Variants in KCNIP4 observed in about 807,000 individuals in gnomAD.
KCNIP4 encodes potassium voltage-gated channel interacting protein 4.
A neutral mutation model predicts 34.0 loss-of-function variants in KCNIP4; 12 were observed. The observed-to-expected ratio is 0.35, with a 90% confidence interval of 0.23 to 0.57. The LOEUF (loss-of-function observed/expected upper bound fraction) is 0.57, where lower values mean the gene tolerates loss of function less well. Among genes scored for constraint, KCNIP4 ranks in the 20% least tolerant of loss-of-function variants. The pLI, the probability that KCNIP4 is intolerant of heterozygous loss-of-function variation, is 0.83. For missense variants in KCNIP4, 238 were observed against 311.7 expected (o/e 0.76, Z 1.78); for synonymous variants, 124 against 102.2 (o/e 1.21, Z -1.29).
intron 1 of KCNIP4, among the ~76,000 whole-genome samples, chr4:21,917,939 C>T (rs1728731604): frequency 6.6e-6 from 1 of 152,162 alleles, no homozygotes; most frequent in Non-Finnish European, 1.5e-5. Context: ...AGACACTCCA[C>T]CTTGCAGTGA....
At chr4:20,879,037 G>A (rs1401467979) in intron 2 of KCNIP4, among the ~76,000 whole-genome samples, 1 of 146,408 alleles carries the variant, frequency 6.8e-6, no homozygotes, top group East Asian at 1.9e-4. Flanking sequence ...CGCTCAGAGT[G>A]AGTGCTACAG....
At chr4:21,283,709 G>A (rs1208362871) in intron 1 of KCNIP4, among the ~76,000 whole-genome samples, 4 of 149,534 alleles carry the variant, frequency 2.7e-5, no homozygotes, top group Non-Finnish European at 5.9e-5. Context: ...TAGATGACGA[G>A]TTAATGGGTG....
intron 1 of KCNIP4, among the ~76,000 whole-genome samples, chr4:21,519,586 A>ATGTATGTGTATATACACATATGTG (rs1735234821): frequency 4.6e-5 from 1 of 21,844 alleles, no homozygotes; most frequent in Non-Finnish European, 8.1e-5. Flanking sequence ...ATGTGTGTGT[A>ATGTATGTGTATATACACATATGTG]TGTATGTGTA....
intron 1 of KCNIP4, among the ~76,000 whole-genome samples, chr4:21,567,957 A>G (rs1740045068): frequency 6.6e-6 from 1 of 152,152 alleles, no homozygotes; most frequent in Non-Finnish European, 1.5e-5. Context: ...AGTACTTGAT[A>G]ATAAGTAGCA....
chr4:21,549,077 G>A (rs1369059745), intron 1 of KCNIP4, among the ~76,000 whole-genome samples: 1 of 151,544 alleles, frequency 6.6e-6, no homozygotes, highest in Non-Finnish European at 1.5e-5. Flanking sequence ...ATGTCCCCTG[G>A]GGCCAAAAGC....
At chr4:21,828,198 T>G (rs1478121143) in intron 1 of KCNIP4, among the ~76,000 whole-genome samples, 3 of 151,312 alleles carry the variant, frequency 2.0e-5, no homozygotes, top group African/African-American at 7.2e-5. Context: ...AATAGAATTT[T>G]TAAAATAATA....
chr4:21,000,648 G>A (rs1183971411), intron 1 of KCNIP4, among the ~76,000 whole-genome samples: 8 of 151,828 alleles, frequency 5.3e-5, no homozygotes, highest in Admixed American at 5.3e-4. Context: ...TCGCGCTGTT[G>A]CACTCCAGCC....
intron 1 of KCNIP4, among the ~76,000 whole-genome samples, chr4:21,266,276 T>A (rs1462896532): frequency 6.6e-6 from 1 of 152,190 alleles, no homozygotes; most frequent in Non-Finnish European, 1.5e-5. Context: ...GAGGATGCTT[T>A]TCCTATTATA....
intron 1 of KCNIP4, among the ~76,000 whole-genome samples, chr4:20,917,185 C>T (rs539579696): frequency 1.3e-5 from 2 of 150,812 alleles, no homozygotes; most frequent in South Asian, 4.2e-4. Context: ...TTACAGGCAC[C>T]CACCACCACG....
chr4:21,317,568 T>C (rs1471496782), intron 1 of KCNIP4, among the ~76,000 whole-genome samples: 7 of 152,178 alleles, frequency 4.6e-5, no homozygotes, highest in Non-Finnish European at 7.3e-5. Context: ...TGTGTGACTA[T>C]AAAGAATAGA....
intron 3 of KCNIP4, among the ~76,000 whole-genome samples, chr4:20,772,540 G>T (rs1213830328): frequency 2.0e-5 from 3 of 152,138 alleles, no homozygotes; most frequent in Non-Finnish European, 4.4e-5. Context: ...CAAGTTGTCT[G>T]GTCATCTGCT....
At chr4:21,626,503 C>T (rs1289927424) in intron 1 of KCNIP4, among the ~76,000 whole-genome samples, 2 of 151,794 alleles carry the variant, frequency 1.3e-5, no homozygotes, top group Non-Finnish European at 2.9e-5. Context: ...CTTGCTGGCA[C>T]ATTGATCTTG....
At chr4:20,767,207 C>T (rs1755490205) in intron 3 of KCNIP4, 1 of 152,056 alleles carries the variant, frequency 6.6e-6, no homozygotes, top group South Asian at 2.1e-4. Flanking sequence ...ATGCAATCAG[C>T]TTATGAAGTA....
At chr4:21,233,944 T>TATATATA (rs1758998776) in intron 1 of KCNIP4, among the ~76,000 whole-genome samples, 1 of 125,478 alleles carries the variant, frequency 8.0e-6, no homozygotes, top group African/African-American at 3.2e-5. Flanking sequence ...ATATAAATAT[T>TATATATA]ACATATAACA....
At chr4:20,984,689 G>C (rs2149696843) in intron 1 of KCNIP4, among the ~76,000 whole-genome samples, 1 of 152,318 alleles carries the variant, frequency 6.6e-6, no homozygotes, top group South Asian at 2.1e-4. Context: ...GATTGATTTA[G>C]TCCTTATATT....
chr4:21,589,111 G>C (rs1346088198), intron 1 of KCNIP4, among the ~76,000 whole-genome samples: 2 of 137,202 alleles, frequency 1.5e-5, no homozygotes, highest in African/African-American at 5.4e-5. Context: ...TAATCAGTTA[G>C]GATATCCTGG....
chr4:21,227,413 G>T (rs1056000194), intron 1 of KCNIP4, among the ~76,000 whole-genome samples: 6 of 152,168 alleles, frequency 3.9e-5, no homozygotes, highest in African/African-American at 1.4e-4. Context: ...CTGGACTGTG[G>T]CCTGAGACTT....
intron 1 of KCNIP4, among the ~76,000 whole-genome samples, chr4:21,217,921 A>G (rs1757705559): frequency 6.6e-6 from 1 of 151,954 alleles, no homozygotes; most frequent in African/African-American, 2.4e-5. Flanking sequence ...AGAACTGTGC[A>G]ATATTGCTCA....
intron 1 of KCNIP4, among the ~76,000 whole-genome samples, chr4:21,800,628 G>A (rs1425173065): frequency 6.6e-6 from 1 of 152,090 alleles, no homozygotes; most frequent in Admixed American, 6.6e-5. Flanking sequence ...TTCTGTTTTC[G>A]ATGAATGGTT....
Sources: allele counts gnomAD v4.1 joint callset (sites outside exome capture counted in the v4.1 genomes callset), GRCh38; gene constraint gnomAD v4.1.1; transcripts MANE v1.5; gene names NCBI Gene and HGNC (gene_info 2026-07-23, HGNC 2026-07-21).